Variants in CACNA2D3 observed in about 807,000 individuals in gnomAD.
CACNA2D3 encodes calcium voltage-gated channel auxiliary subunit alpha2delta 3, also known as voltage-dependent calcium channel subunit alpha-2/delta-3.
Under a neutral mutation model 160.6 loss-of-function variants are expected in CACNA2D3, and 60 were observed. That is an observed-to-expected ratio of 0.37 (90% confidence interval 0.30 to 0.46). The LOEUF is 0.46. Among genes scored for constraint, CACNA2D3 ranks in the 20% least tolerant of loss-of-function variants. The pLI, the probability that CACNA2D3 is intolerant of heterozygous loss-of-function variation, is 1.00. For synonymous variants in CACNA2D3, 558 were observed against 492.9 expected (o/e 1.13, Z -1.75); for missense variants, 1,205 against 1,365.0 (o/e 0.88, Z 1.85).
Position 54,578,653 on chromosome 3 carries a change from G to A in CACNA2D3, c.889-3150G>A, listed in dbSNP as rs377405729. ...TAGCTTTATCCTGATGCAGTCAAGG[G>A]AAATTAGTCAACTGCAAGCTTGGAT... On this transcript the variant is annotated intron_variant, in intron 8 of 37. Transcript: ENST00000474759. 5.9e-5 allele frequency among the ~76,000 whole-genome samples: 9 copies of A among 152,224 alleles called. No individual in the cohort carries two copies. The South Asian group carries it at 1.7e-3, about 28-fold the overall frequency.
chr3:54,632,196 C>G (rs1194815945), intron 10 of CACNA2D3: 1 of 152,180 alleles, frequency 6.6e-6, no homozygotes, highest in Admixed American at 6.5e-5. Flanking sequence ...CAGAGAATAC[C>G]AGGGACTCAG....
chr3:55,051,208 C>T (rs1433132658), intron 35 of CACNA2D3, among the ~76,000 whole-genome samples: 17 of 152,192 alleles, frequency 1.1e-4, no homozygotes, highest in Non-Finnish European at 2.4e-4. Flanking sequence ...AGTTTTTCTG[C>T]TCTGTTTTTT....
At chr3:54,490,747 A>G (rs1013550347) in intron 4 of CACNA2D3, among the ~76,000 whole-genome samples, 1 of 152,160 alleles carries the variant, frequency 6.6e-6, no homozygotes, top group Non-Finnish European at 1.5e-5. Context: ...GAATACCATG[A>G]GGGAAAGGTT....
chr3:54,755,566 T>C (rs1043966470), intron 12 of CACNA2D3, among the ~76,000 whole-genome samples: 1 of 152,174 alleles, frequency 6.6e-6, no homozygotes, highest in Admixed American at 6.5e-5. Flanking sequence ...CTTGCTTCAC[T>C]AAAAGGTATC....
At chr3:54,681,561 A>C (rs9871186) in intron 11 of CACNA2D3, among the ~76,000 whole-genome samples, 1,707 of 151,602 alleles carry the variant, frequency 0.011, 27 homozygotes, top group African/African-American at 0.039. Context: ...CATCTCAAAA[A>C]AAAAAAAAAA....
At chr3:54,811,161 C>G (rs1451219408) in intron 13 of CACNA2D3, among the ~76,000 whole-genome samples, 2 of 152,220 alleles carry the variant, frequency 1.3e-5, no homozygotes, top group African/African-American at 4.8e-5. Flanking sequence ...TACCCTACAC[C>G]TCTGCCTGCA....
chr3:54,187,825 C>T (rs1012158111), intron 2 of CACNA2D3, among the ~76,000 whole-genome samples: 10 of 152,124 alleles, frequency 6.6e-5, no homozygotes, highest in Admixed American at 3.9e-4. Context: ...CTAATGCCAC[C>T]GCTGCCACTG....
At chr3:54,497,783 A>G (rs1055250953) in intron 4 of CACNA2D3, among the ~76,000 whole-genome samples, 1 of 151,806 alleles carries the variant, frequency 6.6e-6, no homozygotes, top group East Asian at 1.9e-4. Flanking sequence ...CCTTATTTCA[A>G]ATTTCCTGAG....
At chr3:54,828,668 G>T (rs1703797755) in intron 14 of CACNA2D3, among the ~76,000 whole-genome samples, 1 of 152,168 alleles carries the variant, frequency 6.6e-6, no homozygotes, top group South Asian at 2.1e-4. Context: ...TCTTCAGTTT[G>T]TTAAGAAGAG....
chr3:54,779,207 C>T (rs1358240604), intron 13 of CACNA2D3, among the ~76,000 whole-genome samples: 1 of 152,084 alleles, frequency 6.6e-6, no homozygotes, highest in African/African-American at 2.4e-5. Context: ...AAGTGATTCT[C>T]CTGCCTCAGC....
intron 35 of CACNA2D3, among the ~76,000 whole-genome samples, chr3:55,048,198 TC>T (rs1704104996): frequency 1.5e-5 from 2 of 133,918 alleles, no homozygotes; most frequent in South Asian, 5.1e-4. Context: ...AGGGAATGCT[TC>T]CAGTTTTTGC....
At chr3:54,902,349 T>A (rs1014660164) in intron 27 of CACNA2D3, among the ~76,000 whole-genome samples, 1 of 152,182 alleles carries the variant, frequency 6.6e-6, no homozygotes, top group Non-Finnish European at 1.5e-5. Context: ...TGTGTTTTCT[T>A]TTTTAAACAA....
In CACNA2D3 at chr3:54,717,694, G is replaced by A. The variant is rs555713662; in HGVS notation, c.1168-34905G>A. Among the ~76,000 whole-genome samples the A allele has an allele frequency of 2.3e-4, 34 of 146,872 alleles. No homozygotes were observed. The East Asian group carries it at 3.1e-3, about 13-fold the overall frequency. ...TGTGGTGTGTGTGGTGTGTGCGTGCGTGTGTGTGGTGTGTGCATGTGTGCG... is the reference window on the plus strand; with the variant it reads ...TGTGGTGTGTGTGGTGTGTGCGTGCATGTGTGTGGTGTGTGCATGTGTGCG... On this transcript the variant is annotated intron_variant, in intron 11 of 37. Transcript: ENST00000474759.
chr3:54,594,002 T>G (rs1702907907), intron 9 of CACNA2D3, among the ~76,000 whole-genome samples: 1 of 152,194 alleles, frequency 6.6e-6, no homozygotes, highest in African/African-American at 2.4e-5. Context: ...ATGAAATGCA[T>G]TTGTTTGAAA....
At chr3:54,592,928 C>G (rs1173434781) in intron 9 of CACNA2D3, among the ~76,000 whole-genome samples, 2 of 152,120 alleles carry the variant, frequency 1.3e-5, no homozygotes, top group African/African-American at 4.8e-5. Flanking sequence ...CTAAAACTTC[C>G]TACCTTCTCT....
chr3:55,071,618 T>TAAGTA (rs1238142544), intron 35 of CACNA2D3, among the ~76,000 whole-genome samples: 2 of 152,214 alleles, frequency 1.3e-5, no homozygotes, highest in Non-Finnish European at 2.9e-5. Context: ...ATTCTCATTC[T>TAAGTA]AAGTAATTTG....
chr3:54,872,447 C>T (rs1466124760), intron 18 of CACNA2D3, among the ~76,000 whole-genome samples: 4 of 152,068 alleles, frequency 2.6e-5, no homozygotes, highest in African/African-American at 7.2e-5. Flanking sequence ...CTCCCAGATT[C>T]GTCTAGGGTC....
chr3:54,661,267 T>C (rs1575411331), intron 11 of CACNA2D3, among the ~76,000 whole-genome samples: 1 of 152,288 alleles, frequency 6.6e-6, no homozygotes, highest in Middle Eastern at 3.4e-3. Flanking sequence ...CTTACTTCTA[T>C]GAATCGGACC....
intron 13 of CACNA2D3, among the ~76,000 whole-genome samples, chr3:54,805,477 A>G (rs1263216345): frequency 6.6e-6 from 1 of 152,312 alleles, no homozygotes; most frequent in South Asian, 2.1e-4. Flanking sequence ...TCCTCAACAC[A>G]TACACCCTCC....
Sources: allele counts gnomAD v4.1 joint callset (sites outside exome capture counted in the v4.1 genomes callset), GRCh38; gene constraint gnomAD v4.1.1; transcripts MANE v1.5; gene names NCBI Gene and HGNC (gene_info 2026-07-23, HGNC 2026-07-21).